The following EDIL3 variants were observed in gnomAD, a reference collection of about 807,000 sequenced individuals.
The protein encoded by EDIL3 is EGF like and discoidin domains 3, also known as EGF-like repeat and discoidin I-like domain-containing protein 3.
Under a neutral mutation model 67.4 loss-of-function variants are expected in EDIL3, and 37 were observed. The observed-to-expected ratio is 0.55, with a 90% CI of 0.42 to 0.72. EDIL3 has a LOEUF of 0.72. EDIL3 is among the 30% of genes least tolerant of loss of function. The pLI, the probability that EDIL3 is intolerant of heterozygous loss-of-function variation, is 0.00. For missense variants in EDIL3, 527 were observed against 586.3 expected, an observed-to-expected ratio of 0.90 and a Z score of 1.04; for synonymous variants, 195 against 196.3, an observed-to-expected ratio of 0.99 and a Z score of 0.05.
At chr5:84,225,123 C>T (rs1256532245) in intron 3 of EDIL3, among the ~76,000 whole-genome samples, 1 of 151,542 alleles carries the variant, frequency 6.6e-6, no homozygotes, top group Non-Finnish European at 1.5e-5. Context: ...ACCCTGATAA[C>T]TCAGATGTTA....
At chr5:84,314,973 G>A (rs897852092) in intron 1 of EDIL3, among the ~76,000 whole-genome samples, 6 of 152,058 alleles carry the variant, frequency 3.9e-5, no homozygotes, top group African/African-American at 1.2e-4. Flanking sequence ...AGCATAATGT[G>A]TGCTACTAAG....
intron 3 of EDIL3, among the ~76,000 whole-genome samples, chr5:84,228,059 A>T (rs1220353710): frequency 2.0e-5 from 3 of 152,092 alleles, no homozygotes; most frequent in Non-Finnish European, 4.4e-5. Context: ...ATTAAGAATA[A>T]TAAAGAAATC....
chr5:83,953,943 C>T (rs1018543914), intron 10 of EDIL3, among the ~76,000 whole-genome samples: 1 of 151,756 alleles, frequency 6.6e-6, no homozygotes, highest in Non-Finnish European at 1.5e-5. Context: ...AAATGATTAA[C>T]TTTATAGGGA....
At chr5:84,106,099 C>G (rs772542650) in intron 6 of EDIL3, among the ~76,000 whole-genome samples, 1 of 152,054 alleles carries the variant, frequency 6.6e-6, no homozygotes, top group Non-Finnish European at 1.5e-5. Context: ...CTTGCTACCC[C>G]CTCTGGGAAA....
intron 9 of EDIL3, among the ~76,000 whole-genome samples, chr5:84,032,522 A>T (rs1369295562): frequency 6.6e-6 from 1 of 152,176 alleles, no homozygotes; most frequent in Non-Finnish European, 1.5e-5. Flanking sequence ...TTTTTAAATA[A>T]ACTAAGTTTC....
chr5:84,167,675 CAG>C (rs1450378316), intron 4 of EDIL3, among the ~76,000 whole-genome samples: 1 of 152,094 alleles, frequency 6.6e-6, no homozygotes, highest in African/African-American at 2.4e-5. Context: ...ACTAAATTGA[CAG>C]GGCATCACCA....
chr5:84,010,010 T>C (rs1241013926), intron 9 of EDIL3, among the ~76,000 whole-genome samples: 2 of 152,208 alleles, frequency 1.3e-5, no homozygotes, highest in Non-Finnish European at 2.9e-5. Flanking sequence ...AGGCTGAAAC[T>C]GAGCAAAGTG....
chr5:84,054,502 G>T (rs371633998), intron 9 of EDIL3, among the ~76,000 whole-genome samples: 1 of 151,946 alleles, frequency 6.6e-6, no homozygotes, highest in East Asian at 1.9e-4. Flanking sequence ...TCAATTAGGA[G>T]AAGAGGAAGT....
At chr5:84,046,265 C>G (rs1366938034) in intron 9 of EDIL3, among the ~76,000 whole-genome samples, 1 of 152,204 alleles carries the variant, frequency 6.6e-6, no homozygotes, top group Non-Finnish European at 1.5e-5. Context: ...TCCACAGAAT[C>G]TGCAGAGCCT....
intron 3 of EDIL3, among the ~76,000 whole-genome samples, chr5:84,184,606 T>C (rs997973753): frequency 3.3e-5 from 5 of 152,264 alleles, no homozygotes; most frequent in Non-Finnish European, 7.4e-5. Context: ...GGCTATACTA[T>C]TGATGTGGCT....
intron 3 of EDIL3, among the ~76,000 whole-genome samples, chr5:84,207,875 A>G (rs1399719771): frequency 2.0e-5 from 3 of 152,202 alleles, no homozygotes; most frequent in African/African-American, 7.2e-5. Context: ...TCCCTTCCTT[A>G]CACCTTATAC....
At chr5:84,057,518 A>C in intron 9 of EDIL3, among the ~76,000 whole-genome samples, 1 of 152,124 alleles carries the variant, frequency 6.6e-6, no homozygotes, top group East Asian at 1.9e-4. Flanking sequence ...AGCAATGAAA[A>C]ATTTTAAGTT....
At chr5:84,316,091 A>G (rs1030646504) in intron 1 of EDIL3, among the ~76,000 whole-genome samples, 12 of 152,350 alleles carry the variant, frequency 7.9e-5, no homozygotes, top group Admixed American at 1.3e-4. Flanking sequence ...GGCCTGCCCT[A>G]CAAGAGCTCC....
chr5:84,157,429 T>C (rs543292550), intron 4 of EDIL3, among the ~76,000 whole-genome samples: 24 of 152,028 alleles, frequency 1.6e-4, no homozygotes, highest in South Asian at 4.1e-4. Context: ...GTATAAAGAA[T>C]CAATATAAAG....
At chr5:83,965,284 A>C (rs1397125768) in intron 9 of EDIL3, among the ~76,000 whole-genome samples, 1 of 152,094 alleles carries the variant, frequency 6.6e-6, no homozygotes, top group Non-Finnish European at 1.5e-5. Context: ...CTGGATTCAT[A>C]GTATTAGTAA....
At chr5:84,144,266 C>T (rs1748253382) in intron 4 of EDIL3, among the ~76,000 whole-genome samples, 2 of 133,152 alleles carry the variant, frequency 1.5e-5, no homozygotes, top group Non-Finnish European at 3.2e-5. Flanking sequence ...CCCACCCTTC[C>T]TCCTTTCCTT....
At chr5:84,111,283 C>T (rs183629093) in intron 5 of EDIL3, among the ~76,000 whole-genome samples, 2 of 152,232 alleles carry the variant, frequency 1.3e-5, no homozygotes, top group Admixed American at 1.3e-4. Context: ...TGTGAATGAA[C>T]TAATACAGGC....
chr5:84,333,556 C>T (rs772112835), intron 1 of EDIL3, among the ~76,000 whole-genome samples: 1 of 151,980 alleles, frequency 6.6e-6, no homozygotes, highest in East Asian at 1.9e-4. Flanking sequence ...TAACAGGAGA[C>T]GAGGTATATT....
At chr5:83,966,524 A>C (rs1387188952) in intron 9 of EDIL3, among the ~76,000 whole-genome samples, 1 of 152,030 alleles carries the variant, frequency 6.6e-6, no homozygotes, top group Non-Finnish European at 1.5e-5. Context: ...CAAGTAGCAA[A>C]AAATCCTCTC....
Sources: allele counts gnomAD v4.1 joint callset (sites outside exome capture counted in the v4.1 genomes callset), GRCh38; gene constraint gnomAD v4.1.1; transcripts MANE v1.5; gene names NCBI Gene and HGNC (gene_info 2026-07-23, HGNC 2026-07-21).